Variants in LSAMP observed in about 807,000 individuals in gnomAD.
The protein encoded by LSAMP is limbic system-associated membrane protein.
Under a neutral mutation model 38.6 loss-of-function variants are expected in LSAMP, and 7 were observed. The observed-to-expected ratio is 0.18, with a 90% CI of 0.10 to 0.34. The LOEUF is 0.34. Ranked by LOEUF, LSAMP falls within the 10% of genes least tolerant of loss-of-function variation. The probability of loss-of-function intolerance (pLI) is 1.00; values close to 1 mark genes in which losing one functional copy is unlikely to be tolerated. For synonymous variants in LSAMP, 154 were observed against 166.8 expected (o/e 0.92, Z 0.59); for missense variants, 313 against 420.0 (o/e 0.75, Z 2.23).
At chr3:116,161,063 T>C (rs1478973440) in intron 1 of LSAMP, among the ~76,000 whole-genome samples, 4 of 152,202 alleles carry the variant, frequency 2.6e-5, no homozygotes, top group Admixed American at 2.6e-4. Context: ...AGTGAAGAAC[T>C]GAGTTTTCAA....
At chr3:115,880,737 A>G (rs1936299384) in intron 3 of LSAMP, among the ~76,000 whole-genome samples, 1 of 152,144 alleles carries the variant, frequency 6.6e-6, no homozygotes, top group South Asian at 2.1e-4. Flanking sequence ...GCTATATTAA[A>G]ATAATGTACA....
chr3:116,303,746 G>A (rs557215098), intron 1 of LSAMP, among the ~76,000 whole-genome samples: 6 of 152,216 alleles, frequency 3.9e-5, no homozygotes, highest in Middle Eastern at 3.4e-3. Flanking sequence ...CAGTACGTGC[G>A]GATTGGCACG....
intron 6 of LSAMP, chr3:115,814,189 G>A (rs1281653039): frequency 6.6e-6 from 1 of 152,152 alleles, no homozygotes; most frequent in Non-Finnish European, 1.5e-5. Flanking sequence ...TGTGAAATGG[G>A]TCAAGGCTTT....
At chr3:116,305,039 A>T (rs914273993) in intron 1 of LSAMP, among the ~76,000 whole-genome samples, 1 of 152,142 alleles carries the variant, frequency 6.6e-6, no homozygotes, top group Non-Finnish European at 1.5e-5. Flanking sequence ...CCAGATATCC[A>T]GTGCTACTTA....
intron 1 of LSAMP, among the ~76,000 whole-genome samples, chr3:116,292,878 T>C (rs940564202): frequency 6.6e-6 from 1 of 152,226 alleles, no homozygotes; most frequent in Non-Finnish European, 1.5e-5. Flanking sequence ...ATAATATGAA[T>C]GTGCAATAAA....
chr3:115,989,269 A>G (rs915964659), intron 3 of LSAMP, among the ~76,000 whole-genome samples: 2 of 152,188 alleles, frequency 1.3e-5, no homozygotes, highest in African/African-American at 2.4e-5. Flanking sequence ...AATATCAACC[A>G]CCACAACTAT....
At chr3:115,980,515 A>G (rs1237153663) in intron 3 of LSAMP, among the ~76,000 whole-genome samples, 2 of 152,206 alleles carry the variant, frequency 1.3e-5, no homozygotes, top group South Asian at 2.1e-4. Flanking sequence ...TATAGATAGC[A>G]GAAAACAGTT....
rs117655509 is a variant in LSAMP, at chr3:116,194,120, T to A, written c.156-107564A>T. Reference sequence around the variant, plus strand: ...AAAAGCACATCACATTAGGAGGAGGTGGCAAAGGTGAGAGAGGTAAGGGGT... The same window carrying A: ...AAAAGCACATCACATTAGGAGGAGGAGGCAAAGGTGAGAGAGGTAAGGGGT... On this transcript the variant is annotated intron_variant, in intron 1 of 6. Transcript: ENST00000490035. 1.6e-3 allele frequency among the ~76,000 whole-genome samples: 247 copies of A among 151,948 alleles called. 2 individuals carry two copies. In the East Asian group the frequency reaches 0.038, roughly 23 times the overall value.
chr3:116,367,279 A>G (rs1163854153), intron 1 of LSAMP, among the ~76,000 whole-genome samples: 2 of 152,288 alleles, frequency 1.3e-5, no homozygotes, highest in African/African-American at 4.8e-5. Context: ...TAAAATATGT[A>G]TATGCTAAAT....
intron 1 of LSAMP, among the ~76,000 whole-genome samples, chr3:116,095,942 C>T (rs1708217452): frequency 6.6e-6 from 1 of 152,158 alleles, no homozygotes; most frequent in African/African-American, 2.4e-5. Context: ...TAGGTTTAGG[C>T]TACAAAGCCA....
At chr3:115,812,686 G>A (rs1358302164) in intron 6 of LSAMP, among the ~76,000 whole-genome samples, 1 of 152,220 alleles carries the variant, frequency 6.6e-6, no homozygotes, top group African/African-American at 2.4e-5. Context: ...AAAAATTAAA[G>A]CCATAGAGGG....
intron 3 of LSAMP, among the ~76,000 whole-genome samples, chr3:115,862,054 G>A (rs1304462814): frequency 1.3e-5 from 2 of 152,180 alleles, no homozygotes; most frequent in African/African-American, 4.8e-5. Flanking sequence ...GATTCCTGCA[G>A]ATGTTAATTG....
intron 1 of LSAMP, among the ~76,000 whole-genome samples, chr3:116,206,021 T>A (rs1180730331): frequency 6.6e-6 from 1 of 151,990 alleles, no homozygotes; most frequent in Non-Finnish European, 1.5e-5. Context: ...CGGCTGTGAA[T>A]GCATCTGGCC....
chr3:115,876,126 C>A (rs1339557642), intron 3 of LSAMP, among the ~76,000 whole-genome samples: 1 of 151,810 alleles, frequency 6.6e-6, no homozygotes, highest in Non-Finnish European at 1.5e-5. Context: ...GGGTTATCTT[C>A]ATTTTAACAC....
chr3:116,430,481 A>G (rs2049266109), intron 1 of LSAMP, among the ~76,000 whole-genome samples: 1 of 152,152 alleles, frequency 6.6e-6, no homozygotes, highest in Admixed American at 6.5e-5. Context: ...TATTTTAATA[A>G]TATTTCCTAA....
At chr3:116,264,871 G>A (rs1010291295) in intron 1 of LSAMP, among the ~76,000 whole-genome samples, 1 of 151,698 alleles carries the variant, frequency 6.6e-6, no homozygotes, top group Non-Finnish European at 1.5e-5. Flanking sequence ...CCTCCCAAGT[G>A]CTGGGGGAAA....
chr3:116,044,276 C>T (rs1941242495), intron 2 of LSAMP, among the ~76,000 whole-genome samples: 2 of 152,186 alleles, frequency 1.3e-5, no homozygotes, highest in African/African-American at 2.4e-5. Context: ...GTTATTTCCC[C>T]TTGCCCAAAG....
At chr3:116,089,817 TAAAAA>T (rs1708078683) in intron 1 of LSAMP, among the ~76,000 whole-genome samples, 4 of 151,854 alleles carry the variant, frequency 2.6e-5, no homozygotes, top group Admixed American at 2.6e-4. Context: ...AAAAATAAAA[TAAAAA>T]GGAAACCACT....
chr3:116,407,862 G>T lies in LSAMP; in HGVS notation c.155+37015C>A, dbSNP rs2048917273. Among the ~76,000 whole-genome samples, 4 of 151,946 alleles carry T rather than the reference G, an allele frequency of 2.6e-5. 1 individual carries two copies. The South Asian group carries it at 8.3e-4, about 31-fold the overall frequency. On this transcript the variant is annotated intron_variant, in intron 1 of 6. Coordinates refer to ENST00000490035, the MANE Select transcript of LSAMP (RefSeq NM_002338.5). The stretch of plus-strand genomic sequence containing the variant: ...TCATTCACCAAGTGGACCAATTCTT[G>T]TGACAAGTGACAAGCCATAAGCTCC...
Sources: gnomAD v4.1 joint callset for allele counts (sites outside exome capture counted in the v4.1 genomes callset) on GRCh38, gnomAD v4.1.1 for gene constraint, MANE v1.5 for transcripts, NCBI Gene and HGNC (gene_info 2026-07-23, HGNC 2026-07-21) for gene names.